Variants in FBXL7 observed in about 807,000 individuals in gnomAD.
FBXL7 encodes the protein F-box and leucine rich repeat protein 7.
In FBXL7, 12 loss-of-function variants were observed where a neutral mutation model predicts 38.3. The ratio of observed to expected loss-of-function variants is 0.31; its 90% CI spans 0.20 to 0.51. The LOEUF (loss-of-function observed/expected upper bound fraction) is 0.51, where lower values mean the gene tolerates loss of function less well. Ranked by LOEUF, FBXL7 falls within the 20% of genes least tolerant of loss-of-function variation. The pLI, the probability that FBXL7 is intolerant of heterozygous loss-of-function variation, is 0.98. For missense variants in FBXL7, 567 were observed against 676.4 expected (o/e 0.84, Z 1.79); for synonymous variants, 297 against 300.9 (o/e 0.99, Z 0.13).
chr5:15,744,474 C>T (rs1202365388), intron 2 of FBXL7, among the ~76,000 whole-genome samples: 2 of 152,150 alleles, frequency 1.3e-5, no homozygotes, highest in African/African-American at 4.8e-5. Context: ...GCATTTTGTT[C>T]AAGACCATTC....
At chr5:15,803,387 A>G (rs935998684) in intron 2 of FBXL7, among the ~76,000 whole-genome samples, 7 of 152,194 alleles carry the variant, frequency 4.6e-5, no homozygotes, top group Admixed American at 4.6e-4. Context: ...TTAGGAAATG[A>G]GTAATTGAAG....
rs139173623 is a variant in FBXL7, at chr5:15,578,000, C to A, written c.38-37983C>A. Among the ~76,000 whole-genome samples the A allele has an allele frequency of 1.8e-4, 27 of 152,224 alleles. No individual in the cohort carries two copies. In the East Asian group the frequency reaches 2.7e-3, roughly 15 times the overall value. ...ACCTGTGGGCTTTGTTCTTTGGATT[C>A]TGGGTCCTTGTTTATGGGATGTGTG... On this transcript the variant is annotated intron_variant, in intron 1 of 3. Transcript: ENST00000504595.
chr5:15,641,689 A>G (rs144361321), intron 2 of FBXL7, among the ~76,000 whole-genome samples: 1,652 of 152,220 alleles, frequency 0.011, 52 homozygotes, highest in Admixed American at 0.075. Context: ...AGTCTCATCC[A>G]ATCTGTGGAA....
chr5:15,606,285 G>A (rs1343623526), intron 1 of FBXL7, among the ~76,000 whole-genome samples: 5 of 151,686 alleles, frequency 3.3e-5, no homozygotes, highest in South Asian at 2.1e-4. Flanking sequence ...ACATACATGC[G>A]CACGTGCACA....
chr5:15,918,596 C>A (rs1462758466), intron 2 of FBXL7, among the ~76,000 whole-genome samples: 1 of 152,238 alleles, frequency 6.6e-6, no homozygotes, highest in Admixed American at 6.5e-5. Flanking sequence ...GGATCAGACT[C>A]AAAAACTGGG....
chr5:15,583,333 C>T (rs1426981932), intron 1 of FBXL7, among the ~76,000 whole-genome samples: 1 of 152,154 alleles, frequency 6.6e-6, no homozygotes, highest in Non-Finnish European at 1.5e-5. Flanking sequence ...CCTGGCCCCT[C>T]CCAAATCTCT....
intron 2 of FBXL7, among the ~76,000 whole-genome samples, chr5:15,874,322 C>A (rs1740107763): frequency 6.6e-6 from 1 of 152,132 alleles, no homozygotes; most frequent in South Asian, 2.1e-4. Context: ...ACTGAATGGA[C>A]AAAAGCTGGA....
intron 1 of FBXL7, among the ~76,000 whole-genome samples, chr5:15,581,267 A>G (rs1477235285): frequency 1.3e-5 from 2 of 152,112 alleles, no homozygotes; most frequent in East Asian, 1.9e-4. Flanking sequence ...AAAAAAATCA[A>G]CTTATTTCAA....
intron 2 of FBXL7, among the ~76,000 whole-genome samples, chr5:15,648,329 T>A (rs1185832255): frequency 6.6e-6 from 1 of 152,230 alleles, no homozygotes; most frequent in African/African-American, 2.4e-5. Flanking sequence ...GCTTTGTCAT[T>A]GAAGTCTGCA....
chr5:15,926,949 A>T (rs1741891209), intron 2 of FBXL7, among the ~76,000 whole-genome samples: 1 of 151,792 alleles, frequency 6.6e-6, no homozygotes, highest in Non-Finnish European at 1.5e-5. Context: ...TCATTTGTAA[A>T]TGCAACATAA....
Position 15,500,465 on chromosome 5 carries a change from C to G in FBXL7, c.-212C>G, listed in dbSNP as rs370307411. 537 of 630,016 alleles carry G rather than the reference C, an allele frequency of 8.5e-4. 2 individuals carry two copies. The highest frequency in any genetic ancestry group is 8.4e-3 in the African/African-American group (430 of 51,394). The allele number at this position is 630,016 out of a possible 1,614,324, so 39.0% of individuals were successfully genotyped here. A position where few individuals can be genotyped will look rare whatever the true frequency, so the allele number is the denominator to read the frequency against. ...TGTAAGTGCTGCAGCTGTGCCCGGC[C>G]CCGCCTGGAGCCACCGGGGGTGCCA... On this transcript the variant is annotated 5_prime_UTR_variant, in exon 1 of 4. Coordinates refer to ENST00000504595, the MANE Select transcript of FBXL7 (RefSeq NM_012304.5).
chr5:15,696,288 C>G (rs73755511), intron 2 of FBXL7, among the ~76,000 whole-genome samples: 6 of 152,086 alleles, frequency 3.9e-5, no homozygotes, highest in Non-Finnish European at 8.8e-5. Context: ...TGTAAAACAA[C>G]ATTGTCGTGC....
At chr5:15,801,706 A>C (rs1314243680) in intron 2 of FBXL7, among the ~76,000 whole-genome samples, 1 of 151,378 alleles carries the variant, frequency 6.6e-6, no homozygotes, top group Non-Finnish European at 1.5e-5. Flanking sequence ...TTGCACATCA[A>C]CGTGGGACAG....
chr5:15,760,466 G>T (rs113081046), intron 2 of FBXL7, among the ~76,000 whole-genome samples: 6 of 151,294 alleles, frequency 4.0e-5, no homozygotes, highest in African/African-American at 1.5e-4. Context: ...AGTCCTAGAT[G>T]AAAGTATTCA....
intron 1 of FBXL7, among the ~76,000 whole-genome samples, chr5:15,529,806 T>C (rs1737367605): frequency 6.6e-6 from 1 of 152,240 alleles, no homozygotes; most frequent in Non-Finnish European, 1.5e-5. Context: ...TGCACTAGTA[T>C]GTTGAAGTAT....
At position 15,897,767 on chromosome 5, in the gene FBXL7, G is replaced by C. The variant is rs1045408407; in HGVS notation, c.128-30123G>C. Among the ~76,000 whole-genome samples, 8 of 152,270 alleles carry C rather than the reference G, an allele frequency of 5.3e-5. No homozygotes were observed. In the East Asian group the frequency reaches 1.5e-3, roughly 29 times the overall value. ...GCCCCAGCCAGGCCTGCCTTATGTG[G>C]ATAGGCAAGAACTTTGTTTGGAATT... On this transcript the variant is annotated intron_variant, in intron 2 of 3. Coordinates refer to ENST00000504595, the MANE Select transcript of FBXL7 (RefSeq NM_012304.5).
In FBXL7 at chr5:15,925,409, G is replaced by A. The variant is rs148571433; in HGVS notation, c.128-2481G>A. On this transcript the variant is annotated intron_variant, in intron 2 of 3. Coordinates refer to ENST00000504595, the MANE Select transcript of FBXL7 (RefSeq NM_012304.5). ...CACATAATTCAAAGATGCTCCATGA[G>A]CACAGCGTGGATGCACATAAGCCAT... Among the ~76,000 whole-genome samples the A allele has an allele frequency of 7.8e-4, 119 of 152,316 alleles. No individual in the cohort carries two copies. The East Asian group carries it at 0.019, about 25-fold the overall frequency.
chr5:15,684,399 G>T (rs1356585571), intron 2 of FBXL7, among the ~76,000 whole-genome samples: 1 of 152,152 alleles, frequency 6.6e-6, no homozygotes, highest in Non-Finnish European at 1.5e-5. Flanking sequence ...GGTATTAAAG[G>T]GTAAATAGGA....
chr5:15,899,974 A>G (rs944457427), intron 2 of FBXL7, among the ~76,000 whole-genome samples: 1 of 152,146 alleles, frequency 6.6e-6, no homozygotes. Context: ...ATCAAGATTA[A>G]CTGGCCTTTG....
Sources: gnomAD v4.1 joint callset for allele counts (sites outside exome capture counted in the v4.1 genomes callset) on GRCh38, gnomAD v4.1.1 for gene constraint, MANE v1.5 for transcripts, NCBI Gene and HGNC (gene_info 2026-07-23, HGNC 2026-07-21) for gene names.